DHX15: variants seen among roughly 807,000 people sequenced by gnomAD.
The protein encoded by DHX15 is DEAH-box helicase 15.
DHX15 carries 11 observed loss-of-function variants against 94.4 expected under a neutral mutation model. The ratio of observed to expected loss-of-function variants is 0.12; its 90% CI spans 0.07 to 0.19. The LOEUF is 0.19. Among genes scored for constraint, DHX15 ranks in the 10% least tolerant of loss-of-function variants. The pLI, the probability that DHX15 is intolerant of heterozygous loss-of-function variation, is 1.00. For missense variants in DHX15, 304 were observed against 988.5 expected, an observed-to-expected ratio of 0.31 and a Z score of 9.29; for synonymous variants, 338 against 329.9, an observed-to-expected ratio of 1.02 and a Z score of -0.27.
At position 24,547,877 on chromosome 4, in the gene DHX15, CTCTCTCTCTCTCTATGTATG is replaced by C. The variant is rs1404271611; in HGVS notation, c.1248+958_1248+977del. On this transcript the variant is annotated intron_variant, in intron 6 of 13. Transcript: ENST00000336812. ...GACATATATGTCTCTCTCTCTCTCT[CTCTCTCTCTCTCTATGTATG>C]TATGTGTATATATATATATATATAT... 4.7e-3 allele frequency among the ~76,000 whole-genome samples: 402 copies of C among 85,668 alleles called. 4 individuals are homozygous for C. Among genetic ancestry groups the C allele is most frequent in the African/African-American group, 0.015 (370 of 24,844 alleles). 56.2% of individuals were successfully genotyped at this position (85,668 alleles called of 152,430 possible).
intron 4 of DHX15, among the ~76,000 whole-genome samples, chr4:24,555,731 T>C (rs1051948502): frequency 6.6e-6 from 1 of 151,918 alleles, no homozygotes; most frequent in Non-Finnish European, 1.5e-5. Flanking sequence ...TGTCAGAAAA[T>C]AGTTTTAGGC....
At chr4:24,548,393 T>C (rs1285633492) in intron 6 of DHX15, among the ~76,000 whole-genome samples, 5 of 152,162 alleles carry the variant, frequency 3.3e-5, no homozygotes, top group African/African-American at 1.2e-4. Flanking sequence ...TCCACCCACT[T>C]CGGCCTCCCA....
intron 4 of DHX15, 27 bp downstream of exon 4, chr4:24,556,224 T>C (rs1173116632): frequency 1.9e-6 from 3 of 1,607,014 alleles, no homozygotes; most frequent in African/African-American, 1.3e-5. Flanking sequence ...ACATATATAG[T>C]TAAATGGAGA....
At chr4:24,576,786 T>C in intron 1 of DHX15, 108 bp from the exon 2 acceptor site, 2 of 1,425,848 alleles carry the variant, frequency 1.4e-6, no homozygotes, top group Non-Finnish European at 9.3e-7. Context: ...GAATAAAAAG[T>C]CCAATGGATT....
At chr4:24,552,746 T>A (rs138086364) in intron 5 of DHX15, among the ~76,000 whole-genome samples, 15 of 152,302 alleles carry the variant, frequency 9.8e-5, no homozygotes, top group Admixed American at 3.9e-4. Flanking sequence ...AATTCAAGAC[T>A]GGGAATCTAA....
intron 1 of DHX15, 139 bp downstream of exon 1, chr4:24,584,184 C>T: frequency 1.1e-6 from 1 of 907,618 alleles, no homozygotes; most frequent in South Asian, 1.6e-5. Context: ...CTTCTCCTAC[C>T]CGCCGCTAGT....
intron 12 of DHX15, among the ~76,000 whole-genome samples, chr4:24,531,892 A>G (rs1721092396): frequency 6.6e-6 from 1 of 152,220 alleles, no homozygotes; most frequent in East Asian, 1.9e-4. Context: ...TGTGTTACTT[A>G]GATTCAAATA....
intron 11 of DHX15, among the ~76,000 whole-genome samples, chr4:24,536,803 G>A (rs1721208170): frequency 1.3e-5 from 2 of 152,118 alleles, no homozygotes; most frequent in African/African-American, 2.4e-5. Flanking sequence ...ATACAAGTCT[G>A]TCATTTTTAT....
At chr4:24,569,982 G>C (rs1722085204) in intron 3 of DHX15, among the ~76,000 whole-genome samples, 2 of 152,186 alleles carry the variant, frequency 1.3e-5, no homozygotes, top group African/African-American at 4.8e-5. Flanking sequence ...CATAAATACA[G>C]AATAAGCAGA....
At position 24,540,109 on chromosome 4, in the gene DHX15, T is replaced by C; in HGVS notation, c.1785A>G (p.Ser595=). ...NEVLSITAML[S]VPQCFVRPTE... ...TTTTTGTTCCTTTCCCTCTATTACC[T>C]GACAACATAGCAGTAATAGATAGGA... The change falls in exon 10 of 14, where the codon TCA becomes TCG. Residue 595 remains serine, a splice_region_variant and synonymous_variant. Transcript: ENST00000336812. 6.5e-7 allele frequency: 1 copy of C among 1,542,212 alleles called. No individual in the cohort carries two copies. Among genetic ancestry groups the C allele is most frequent in the Non-Finnish European group, 8.7e-7 (1 of 1,143,382 alleles).
intron 3 of DHX15, among the ~76,000 whole-genome samples, chr4:24,558,820 G>A (rs980716325): frequency 2.6e-5 from 4 of 152,044 alleles, no homozygotes; most frequent in African/African-American, 4.8e-5. Context: ...GAAAAAAACC[G>A]TAGTCAACTT....
At chr4:24,530,000 TTTAA>T in intron 12 of DHX15, 1 of 557,606 alleles carries the variant, frequency 1.8e-6, no homozygotes, top group East Asian at 3.0e-5. Context: ...TTTATTTATC[TTTAA>T]TTAGAAAGAA....
chr4:24,549,036 G>C lies in DHX15; in HGVS notation c.1081-14C>G. The C allele has an allele frequency of 1.2e-6, 2 of 1,602,496 alleles. No individual in the cohort carries two copies. Among genetic ancestry groups the C allele is most frequent in the Non-Finnish European group, 1.7e-6 (2 of 1,174,430 alleles). The stretch of plus-strand genomic sequence containing the variant: ...TTCATCAATTTCCTACAAAATAAAA[G>C]TGAGTCTAAAAACGAATACTGAAAC... On this transcript the variant is annotated splice_polypyrimidine_tract_variant and intron_variant, in intron 5 of 13. Coordinates refer to ENST00000336812, the MANE Select transcript of DHX15 (RefSeq NM_001358.3).
chr4:24,534,582 C>T (rs1012231), intron 11 of DHX15, among the ~76,000 whole-genome samples: 11,149 of 152,144 alleles, frequency 0.073, 437 homozygotes, highest in African/African-American at 0.099. Flanking sequence ...ATACAGTAAA[C>T]CACCCCTAAG....
chr4:24,536,966 A>T, intron 11 of DHX15, 85 bp downstream of exon 11: 1 of 1,425,634 alleles, frequency 7.0e-7, no homozygotes, highest in East Asian at 2.5e-5. Flanking sequence ...TGTCACGGAT[A>T]ATAAATCAAA....
rs115329532 is a variant in DHX15, at chr4:24,544,242, T to G, written c.1249-1216A>C. Among the ~76,000 whole-genome samples, 1,225 of 152,300 alleles carry G rather than the reference T, an allele frequency of 8.0e-3. 19 individuals are homozygous for G. The highest frequency in any genetic ancestry group is 0.027 in the African/African-American group (1,132 of 41,556). On this transcript the variant is annotated intron_variant, in intron 6 of 13. Transcript: ENST00000336812. ...TTTATAAATCAAATAGCTTTAAAAA[T>G]CATAGGCTTTTGCTGCATTAACTAT...
chr4:24,577,572 GTTGT>G (rs1722301501), intron 1 of DHX15, among the ~76,000 whole-genome samples: 1 of 152,086 alleles, frequency 6.6e-6, no homozygotes, highest in Non-Finnish European at 1.5e-5. Flanking sequence ...ACACTATTAA[GTTGT>G]TTAACATGTT....
chr4:24,583,940 C>T (rs1230648761), intron 1 of DHX15, among the ~76,000 whole-genome samples: 2 of 152,216 alleles, frequency 1.3e-5, no homozygotes, highest in African/African-American at 4.8e-5. Flanking sequence ...AATACTCCCA[C>T]CGCGCCCTCC....
intron 2 of DHX15, among the ~76,000 whole-genome samples, chr4:24,574,225 A>AAAAAAAAAAAAAAAAAAAAAAT (rs1722191658): frequency 6.6e-6 from 1 of 150,538 alleles, no homozygotes; most frequent in Admixed American, 6.6e-5. Flanking sequence ...AAAAAAAAAA[A>AAAAAAAAAAAAAAAAAAAAAAT]AAAGTTAAAG....
Sources: allele counts gnomAD v4.1 joint callset (sites outside exome capture counted in the v4.1 genomes callset), GRCh38; gene constraint gnomAD v4.1.1; transcripts MANE v1.5; gene names NCBI Gene and HGNC (gene_info 2026-07-23, HGNC 2026-07-21).